The following INPP4A variants were observed in gnomAD, a reference collection of about 807,000 sequenced individuals.
INPP4A encodes inositol polyphosphate-4-phosphatase, type I, 107kD.
Under a neutral mutation model 119.8 loss-of-function variants are expected in INPP4A, and 33 were observed. The observed-to-expected ratio is 0.28, with a 90% CI of 0.21 to 0.37. The LOEUF (loss-of-function observed/expected upper bound fraction) is 0.37. Among genes scored for constraint, INPP4A ranks in the 10% least tolerant of loss-of-function variants. INPP4A has a pLI of 1.00. For missense variants in INPP4A, 956 were observed against 1,289.9 expected (o/e 0.74, Z 3.97); for synonymous variants, 496 against 500.7 (o/e 0.99, Z 0.12).
rs1308457665 is a variant in INPP4A at position 98,544,018 on chromosome 2, C to A, written c.949+11C>A. 1 of 1,552,962 alleles carries A rather than the reference C, an allele frequency of 6.4e-7. No individual in the cohort carries two copies. Among genetic ancestry groups the A allele is most frequent in the Non-Finnish European group, 8.7e-7 (1 of 1,147,644 alleles). On this transcript the variant is annotated intron_variant, in intron 11 of 24. Coordinates refer to ENST00000409851, the MANE Select transcript of INPP4A (RefSeq NM_001134225.2). ...TCCATCAGTACAGAGGTGGGTGCACCCCCATGCTGTCACCACACACGCGTG... is the reference window on the plus strand; with the variant it reads ...TCCATCAGTACAGAGGTGGGTGCACACCCATGCTGTCACCACACACGCGTG...
At chr2:98,582,489 A>T (rs1171834042) in intron 24 of INPP4A, among the ~76,000 whole-genome samples, 1 of 150,968 alleles carries the variant, frequency 6.6e-6, no homozygotes, top group African/African-American at 2.4e-5. Flanking sequence ...ACACAGAAAG[A>T]TCACCTACTG....
intron 16 of INPP4A, among the ~76,000 whole-genome samples, chr2:98,559,187 C>T (rs1030310339): frequency 7.9e-5 from 12 of 152,180 alleles, no homozygotes; most frequent in Admixed American, 2.0e-4. Context: ...TCGCACATCC[C>T]GAAGAGCATT....
rs3217304 is a variant in INPP4A, at chr2:98,544,045, G to GCA, written c.949+56_949+57dup. Reference sequence around the variant, plus strand: ...CCATGCTGTCACCACACACGCGTGCGCACACACACACACACACACTCTCAC... The same window carrying GCA: ...CCATGCTGTCACCACACACGCGTGCGCACACACACACACACACACACTCTCAC... On this transcript the variant is annotated intron_variant, in intron 11 of 24. Transcript: ENST00000409851. 3,043 of 1,435,952 alleles carry GCA rather than the reference G, an allele frequency of 2.1e-3. 1 individual carries two copies. The highest frequency in any genetic ancestry group is 3.3e-3 in the Middle Eastern group (18 of 5,432). 89.0% of individuals were successfully genotyped at this position (1,435,952 alleles called of 1,614,324 possible).
chr2:98,544,336 T>A (rs1323398686), intron 11 of INPP4A, among the ~76,000 whole-genome samples: 1 of 152,234 alleles, frequency 6.6e-6, no homozygotes, highest in Non-Finnish European at 1.5e-5. Context: ...TATTACTGCT[T>A]CATGTTGTTT....
At chr2:98,560,673 G>A (rs1481616927) in intron 17 of INPP4A, among the ~76,000 whole-genome samples, 1 of 152,196 alleles carries the variant, frequency 6.6e-6, no homozygotes, top group Non-Finnish European at 1.5e-5. Flanking sequence ...GCCTCCCCGG[G>A]CCCATGCCTC....
chr2:98,472,600 G>A (rs1390436567), intron 1 of INPP4A, among the ~76,000 whole-genome samples: 2 of 152,242 alleles, frequency 1.3e-5, no homozygotes, highest in African/African-American at 2.4e-5. Flanking sequence ...GACTTCCTGA[G>A]GGAGAGGCCA....
intron 1 of INPP4A, among the ~76,000 whole-genome samples, chr2:98,475,639 A>G (rs757641317): frequency 7.9e-5 from 12 of 152,252 alleles, no homozygotes; most frequent in Non-Finnish European, 1.5e-4. Context: ...CGTCAGTATT[A>G]CATTGCATGA....
intron 16 of INPP4A, among the ~76,000 whole-genome samples, chr2:98,558,028 G>A (rs938113165): frequency 6.6e-6 from 1 of 152,234 alleles, no homozygotes; most frequent in East Asian, 1.9e-4. Context: ...CTGAGATTAT[G>A]TGCTGGAATT....
intron 1 of INPP4A, among the ~76,000 whole-genome samples, chr2:98,502,236 C>T (rs994523090): frequency 6.6e-6 from 1 of 152,216 alleles, no homozygotes; most frequent in East Asian, 1.9e-4. Flanking sequence ...CCCACAGTGG[C>T]TCCACTGTCA....
intron 1 of INPP4A, among the ~76,000 whole-genome samples, chr2:98,460,610 A>G (rs953630297): frequency 3.3e-5 from 5 of 152,190 alleles, no homozygotes; most frequent in African/African-American, 9.7e-5. Flanking sequence ...AATTCTTACA[A>G]TAATGCCTGT....
At chr2:98,526,862 G>A (rs1029234633) in intron 4 of INPP4A, among the ~76,000 whole-genome samples, 10 of 152,148 alleles carry the variant, frequency 6.6e-5, no homozygotes, top group Non-Finnish European at 1.5e-4. Flanking sequence ...AGGATTAAAC[G>A]AGAGAGGGAG....
intron 1 of INPP4A, among the ~76,000 whole-genome samples, chr2:98,451,906 T>C (rs556962793): frequency 6.6e-6 from 1 of 152,188 alleles, no homozygotes; most frequent in African/African-American, 2.4e-5. Context: ...GATTATGGGG[T>C]GTGTCAGTTG....
intron 1 of INPP4A, among the ~76,000 whole-genome samples, chr2:98,514,440 T>C (rs1357908530): frequency 6.6e-6 from 1 of 152,148 alleles, no homozygotes; most frequent in Non-Finnish European, 1.5e-5. Flanking sequence ...GACTGGTGGC[T>C]GGGGGCTCTT....
chr2:98,555,421 T>TG (rs1559067234), intron 15 of INPP4A, 132 bp from the exon 16 acceptor site: 3 of 951,336 alleles, frequency 3.2e-6, no homozygotes, highest in Non-Finnish European at 4.7e-6. Flanking sequence ...ATCTTTATAT[T>TG]TCTAAACTTT....
chr2:98,508,445 G>A (rs919504642), intron 1 of INPP4A, among the ~76,000 whole-genome samples: 1 of 152,214 alleles, frequency 6.6e-6, no homozygotes, highest in Admixed American at 6.5e-5. Flanking sequence ...AACTCTGAGT[G>A]AGTGATGATA....
chr2:98,491,753 G>T (rs1480084502), intron 1 of INPP4A, among the ~76,000 whole-genome samples: 2 of 152,182 alleles, frequency 1.3e-5, no homozygotes, highest in Non-Finnish European at 2.9e-5. Context: ...GGTTGGATCT[G>T]TACAGCATTT....
chr2:98,455,813 C>G (rs1696043770), intron 1 of INPP4A, among the ~76,000 whole-genome samples: 1 of 152,218 alleles, frequency 6.6e-6, no homozygotes. Flanking sequence ...AGTGATTCAG[C>G]AGTAGCTTTC....
At chr2:98,534,218 A>G (rs1287024569) in intron 5 of INPP4A, among the ~76,000 whole-genome samples, 3 of 152,248 alleles carry the variant, frequency 2.0e-5, no homozygotes, top group African/African-American at 4.8e-5. Context: ...GTCGAGTGCT[A>G]CCTACACATC....
At chr2:98,567,431 A>T (rs577753859) in intron 21 of INPP4A, among the ~76,000 whole-genome samples, 1 of 152,284 alleles carries the variant, frequency 6.6e-6, no homozygotes, top group Non-Finnish European at 1.5e-5. Flanking sequence ...CAGGAAGCAA[A>T]GCCCCAAAGG....
Sources: gnomAD v4.1 joint callset for allele counts (sites outside exome capture counted in the v4.1 genomes callset) on GRCh38, gnomAD v4.1.1 for gene constraint, MANE v1.5 for transcripts, NCBI Gene and HGNC (gene_info 2026-07-23, HGNC 2026-07-21) for gene names.